The following MINAR1 variants were observed in gnomAD, a reference collection of about 807,000 sequenced individuals.
The protein encoded by MINAR1 is membrane integral NOTCH2 associated receptor 1.
Under a neutral mutation model 65.1 loss-of-function variants are expected in MINAR1, and 40 were observed. That is an observed-to-expected ratio of 0.61 (90% CI 0.48 to 0.80). MINAR1 has a LOEUF of 0.80. MINAR1 is among the 30% of genes least tolerant of loss of function. The probability of loss-of-function intolerance (pLI) is 0.00; values close to 1 mark genes in which losing one functional copy is unlikely to be tolerated. For missense variants in MINAR1, 1,128 were observed against 1,148.0 expected (o/e 0.98, Z 0.25); for synonymous variants, 482 against 449.1 (o/e 1.07, Z -0.93).
the MINAR1 span, chr15:79,417,992 G>A: frequency 2.6e-5 from 4 of 152,226 alleles, no homozygotes; most frequent in African/African-American, 9.6e-5. Flanking sequence ...CTTTGGTCCA[G>A]TTACGGAATT....
rs571114299 is a variant in MINAR1 at position 79,469,723 on chromosome 15, T to A, written c.*1339T>A. 6.5e-6 allele frequency: 1 copy of A among 152,736 alleles called. No individual in the cohort carries two copies. Among genetic ancestry groups the A allele is most frequent in the East Asian group, 1.9e-4 (1 of 5,188 alleles). The allele number at this position is 152,736 out of a possible 1,614,324, so 9.5% of individuals were successfully genotyped here. A position where few individuals can be genotyped will look rare whatever the true frequency, so the allele number is the denominator to read the frequency against. On this transcript the variant is annotated 3_prime_UTR_variant, in exon 4 of 4. Coordinates refer to ENST00000305428, the MANE Select transcript of MINAR1 (RefSeq NM_015206.3). Reference sequence around the variant, plus strand: ...TCTGACAATAATGGAACAGAAAGAATCCTTATCAGCATCTGATTCCAATGT... The same window carrying A: ...TCTGACAATAATGGAACAGAAAGAAACCTTATCAGCATCTGATTCCAATGT...
chr15:79,449,632 T>A (rs555659517), intron 1 of MINAR1, among the ~76,000 whole-genome samples: 1 of 152,348 alleles, frequency 6.6e-6, no homozygotes, highest in Non-Finnish European at 1.5e-5. Flanking sequence ...GGATGGTTTT[T>A]AAAACCTATT....
At chr15:79,449,389 G>C (rs1264149997) in intron 1 of MINAR1, among the ~76,000 whole-genome samples, 3 of 152,216 alleles carry the variant, frequency 2.0e-5, no homozygotes, top group African/African-American at 7.2e-5. Context: ...GAATACATGA[G>C]ACTAGGTAAT....
chr15:79,445,176 A>C (rs1042054069), intron 1 of MINAR1, among the ~76,000 whole-genome samples: 6 of 151,878 alleles, frequency 4.0e-5, no homozygotes, highest in African/African-American at 1.4e-4. Flanking sequence ...TTTATTATTT[A>C]TGTTAATATA....
At chr15:79,450,444 C>T (rs1349960766) in intron 1 of MINAR1, among the ~76,000 whole-genome samples, 2 of 151,650 alleles carry the variant, frequency 1.3e-5, no homozygotes, top group Admixed American at 6.6e-5. Context: ...TGGCGGGCGA[C>T]GAGAGCACCC....
chr15:79,412,100 CG>C, the MINAR1 span: 73 of 142,276 alleles, frequency 5.1e-4, no homozygotes, highest in African/African-American at 1.7e-3. Context: ...AGCTGTGATG[CG>C]GGCCCCCAGG....
At chr15:79,421,935 G>A in the MINAR1 span, 6 of 152,270 alleles carry the variant, frequency 3.9e-5, no homozygotes, top group Admixed American at 6.5e-5. Context: ...GAGAAATAGT[G>A]GGAGTTTGAG....
chr15:79,411,591 T>C, the MINAR1 span: 12 of 678,176 alleles, frequency 1.8e-5, no homozygotes, highest in Non-Finnish European at 3.2e-5. Flanking sequence ...TGCACAGAGC[T>C]ACCATGCACT....
rs552015382 is a variant in MINAR1, at chr15:79,457,846, A to G, written c.1699A>G (p.Ile567Val). Residue 567 changes from isoleucine to valine, a missense_variant, in exon 2 of 4, where the codon ATT (isoleucine) becomes GTT (valine). Physicochemically the swap from Ile to Val is conservative, Grantham distance 29 (BLOSUM62 3). Transcript: ENST00000305428. ...TTCCCCTGAGCACAACTTAACCAAA[A>G]TTGCCAATGGGGTCCCCAACAGCAA... ...DSSPEHNLTK[I>V]ANGVPNSKGD... 3.7e-6 allele frequency: 6 copies of G among 1,613,946 alleles called. No individual in the cohort carries two copies. The highest frequency in any genetic ancestry group is 1.7e-5 in the Admixed American group (1 of 60,000).
chr15:79,462,957 T>G, intron 2 of MINAR1, 110 bp from the exon 3 acceptor site: 1 of 1,203,230 alleles, frequency 8.3e-7, no homozygotes, highest in East Asian at 2.5e-5. Flanking sequence ...TGGAAGTAAC[T>G]GCACTTTGCT....
chr15:79,471,548 G>A lies in MINAR1; in HGVS notation c.*3164G>A, dbSNP rs546396894. On this transcript the variant is annotated 3_prime_UTR_variant, in exon 4 of 4. Transcript: ENST00000305428. ...ATAAATTGTTAGTATTTTAAGGTAT[G>A]CAACTATGTGATTGACATCTGTAAG... 5.2e-5 allele frequency: 8 copies of A among 152,628 alleles called. No individual in the cohort carries two copies. The South Asian group carries it at 1.7e-3, about 32-fold the overall frequency. The allele number at this position is 152,628 out of a possible 1,614,324, so 9.5% of individuals were successfully genotyped here.
At chr15:79,419,875 TAGA>T in the MINAR1 span, 2 of 152,038 alleles carry the variant, frequency 1.3e-5, no homozygotes, top group African/African-American at 4.8e-5. Flanking sequence ...ATAACAATTT[TAGA>T]AGAAGAGAAT....
At chr15:79,459,315 G>C (rs892986605) in intron 2 of MINAR1, among the ~76,000 whole-genome samples, 2 of 152,094 alleles carry the variant, frequency 1.3e-5, no homozygotes, top group African/African-American at 4.8e-5. Flanking sequence ...TAAGCTCTGT[G>C]CTTTTGCATG....
chr15:79,452,566 G>A (rs1358943064), intron 1 of MINAR1, among the ~76,000 whole-genome samples: 1 of 151,276 alleles, frequency 6.6e-6, no homozygotes, highest in African/African-American at 2.4e-5. Context: ...GTCTGTGTGT[G>A]TGAGTGTATG....
intron 1 of MINAR1, among the ~76,000 whole-genome samples, chr15:79,445,773 A>C (rs1970292): frequency 0.61 from 92,110 of 151,910 alleles, 29,315 homozygotes; most frequent in East Asian, 0.8. Flanking sequence ...GTCTTGAACT[A>C]CCAACCTCAG....
chr15:79,468,292 G>A lies in MINAR1; in HGVS notation c.2659G>A (p.Ala887Thr). ...LKRKEAEFRR[A>T]KVCKIAALIA... ...ACGTAAAGAAGCCGAATTCAGACGAGCCAAGGTCTGCAAGATAGCTGCTCT... is the reference window on the plus strand; with the variant it reads ...ACGTAAAGAAGCCGAATTCAGACGAACCAAGGTCTGCAAGATAGCTGCTCT... Residue 887 changes from alanine to threonine, a missense_variant, in exon 4 of 4, where the codon GCC becomes ACC. Transcript: ENST00000305428. 1.2e-6 allele frequency: 2 copies of A among 1,614,114 alleles called. No homozygotes were observed. Among genetic ancestry groups the A allele is most frequent in the South Asian group, 1.1e-5 (1 of 91,050 alleles).
chr15:79,451,919 A>AAGAG (rs907728807), intron 1 of MINAR1, among the ~76,000 whole-genome samples: 21 of 152,158 alleles, frequency 1.4e-4, no homozygotes, highest in African/African-American at 5.1e-4. Context: ...CTGGGATGTT[A>AAGAG]AGAAAGTTTA....
Position 79,456,931 on chromosome 15 carries a change from G to C in MINAR1, c.784G>C (p.Glu262Gln), listed in dbSNP as rs1448446985. 1 of 1,614,040 alleles carries C rather than the reference G, an allele frequency of 6.2e-7. No homozygotes were observed. Among genetic ancestry groups the C allele is most frequent in the East Asian group, 2.2e-5 (1 of 44,890 alleles). The change falls in exon 2 of 4, where the codon GAG becomes CAG. Residue 262 changes from glutamate to glutamine, a missense_variant. By Grantham distance (29) the Glu-to-Gln change is conservative. Coordinates refer to ENST00000305428, the MANE Select transcript of MINAR1 (RefSeq NM_015206.3). Reference sequence around the variant, plus strand: ...TGTCCAGAAAAGGAATATCTTCAAAGAGGATTTTCACAATTTGATGGCAGT... The same window carrying C: ...TGTCCAGAAAAGGAATATCTTCAAACAGGATTTTCACAATTTGATGGCAGT... ...SCVQKRNIFK[E>Q]DFHNLMAVSP...
In MINAR1 at chr15:79,457,100, C is replaced by G. The variant is rs1378962964; in HGVS notation, c.953C>G (p.Ser318Cys). ...AGCCAGTACCTGAATCCAGTGTATT[C>G]CCCGGTTCCTGACAAAAGGCGAGCA... ...YNSQYLNPVYSPVPDKRRAKH... is the reference protein window; with the variant it reads ...YNSQYLNPVYCPVPDKRRAKH... Residue 318 changes from serine (S) to cysteine (C), a missense_variant, in exon 2 of 4, where the codon TCC becomes TGC. Coordinates refer to ENST00000305428, the MANE Select transcript of MINAR1 (RefSeq NM_015206.3). The G allele has an allele frequency of 6.2e-7, 1 of 1,614,134 alleles. No homozygotes were observed. The highest frequency in any genetic ancestry group is 8.5e-7 in the Non-Finnish European group (1 of 1,180,036).
Sources: gnomAD v4.1 joint callset for allele counts (sites outside exome capture counted in the v4.1 genomes callset) on GRCh38, gnomAD v4.1.1 for gene constraint, MANE v1.5 for transcripts, NCBI Gene and HGNC (gene_info 2026-07-23, HGNC 2026-07-21) for gene names.